Variants in TTBK2 observed in about 807,000 individuals in gnomAD.
TTBK2 encodes the protein tau tubulin kinase 2.
A neutral mutation model predicts 110.8 loss-of-function variants in TTBK2; 28 were observed. The ratio of observed to expected loss-of-function variants is 0.25; its 90% CI spans 0.19 to 0.35. The LOEUF (loss-of-function observed/expected upper bound fraction) is 0.35, where lower values mean the gene tolerates loss of function less well. TTBK2 is among the 10% of genes least tolerant of loss of function. The pLI is 1.00. For synonymous variants in TTBK2, 532 were observed against 527.3 expected, an observed-to-expected ratio of 1.01 and a Z score of -0.12; for missense variants, 1,369 against 1,500.3, an observed-to-expected ratio of 0.91 and a Z score of 1.45.
At chr15:42,792,175 A>T (rs906045328) in intron 10 of TTBK2, among the ~76,000 whole-genome samples, 1 of 152,192 alleles carries the variant, frequency 6.6e-6, no homozygotes, top group African/African-American at 2.4e-5. Flanking sequence ...TATATTTCAA[A>T]ATAGGTAGAA....
chr15:42,913,247 C>T (rs2030888268), intron 1 of TTBK2, among the ~76,000 whole-genome samples: 1 of 151,946 alleles, frequency 6.6e-6, no homozygotes, highest in Admixed American at 6.6e-5. Context: ...GTTTATTCAC[C>T]ACTCACACTT....
At chr15:42,817,281 T>TA (rs367546137) in intron 6 of TTBK2, among the ~76,000 whole-genome samples, 184 bp from the exon 7 acceptor site, 74 of 147,772 alleles carry the variant, frequency 5.0e-4, no homozygotes, top group South Asian at 6.4e-4. Flanking sequence ...ATCACATCTT[T>TA]AAAAAAAAAA....
intron 3 of TTBK2, among the ~76,000 whole-genome samples, chr15:42,851,022 G>C (rs1893686454): frequency 6.6e-6 from 1 of 151,566 alleles, no homozygotes; most frequent in Non-Finnish European, 1.5e-5. Flanking sequence ...TCAGGAAATT[G>C]AGACCATCCT....
chr15:42,919,115 T>C (rs2141228391), intron 1 of TTBK2, among the ~76,000 whole-genome samples: 1 of 152,304 alleles, frequency 6.6e-6, no homozygotes, highest in Middle Eastern at 3.4e-3. Flanking sequence ...TAAAATGTTA[T>C]CATACAGGAA....
intron 1 of TTBK2, among the ~76,000 whole-genome samples, chr15:42,919,510 G>A (rs1391443916): frequency 2.0e-5 from 3 of 152,168 alleles, no homozygotes; most frequent in African/African-American, 7.2e-5. Flanking sequence ...CACACTGAGT[G>A]GATCCTCCCT....
chr15:42,894,563 G>A (rs1195648982), intron 1 of TTBK2, among the ~76,000 whole-genome samples: 2 of 151,934 alleles, frequency 1.3e-5, no homozygotes, highest in African/African-American at 4.8e-5. Flanking sequence ...ACCAGCCTAG[G>A]CAACATGGTG....
At chr15:42,842,228 A>C (rs570456734) in intron 3 of TTBK2, among the ~76,000 whole-genome samples, 3 of 152,248 alleles carry the variant, frequency 2.0e-5, no homozygotes, top group African/African-American at 7.2e-5. Flanking sequence ...ATGAGCAAAA[A>C]TAAGAGTCCC....
rs1187236878 is a variant in TTBK2, at chr15:42,810,607, T to C, written c.822+7A>G. 3 of 1,613,674 alleles carry C rather than the reference T, an allele frequency of 1.9e-6. No individual in the cohort carries two copies. The highest frequency in any genetic ancestry group is 1.7e-5 in the Admixed American group (1 of 60,014). ...AACTAACCCACAGAACTCACAAAGA[T>C]GGTTACCTGGTAGTCTGGTTTTGTA... On this transcript the variant is annotated splice_region_variant and intron_variant, in intron 9 of 14. Coordinates refer to ENST00000267890, the MANE Select transcript of TTBK2 (RefSeq NM_173500.4).
At chr15:42,857,206 T>C (rs1257341577) in intron 3 of TTBK2, among the ~76,000 whole-genome samples, 1 of 152,070 alleles carries the variant, frequency 6.6e-6, no homozygotes, top group East Asian at 1.9e-4. Flanking sequence ...TGTGTAAACC[T>C]AAAACAGTTC....
intron 6 of TTBK2, among the ~76,000 whole-genome samples, chr15:42,824,798 TA>T (rs1892458765): frequency 6.6e-6 from 1 of 152,078 alleles, no homozygotes; most frequent in Non-Finnish European, 1.5e-5. Context: ...TGAAATACTC[TA>T]TATAACAAAC....
At chr15:42,847,178 C>G (rs1279857947) in intron 3 of TTBK2, among the ~76,000 whole-genome samples, 1 of 152,106 alleles carries the variant, frequency 6.6e-6, no homozygotes, top group Non-Finnish European at 1.5e-5. Context: ...TGTGCATTCT[C>G]CTAATGTTTA....
chr15:42,883,973 C>G (rs928166162), intron 1 of TTBK2, among the ~76,000 whole-genome samples: 1 of 152,066 alleles, frequency 6.6e-6, no homozygotes, highest in African/African-American at 2.4e-5. Flanking sequence ...GCTGGAGTAT[C>G]TATTATAATA....
intron 14 of TTBK2, among the ~76,000 whole-genome samples, chr15:42,749,835 A>G (rs1481653480): frequency 6.6e-6 from 1 of 152,246 alleles, no homozygotes; most frequent in East Asian, 1.9e-4. Context: ...TTAGTCAGGA[A>G]AAAGTACAGG....
At chr15:42,807,907 T>C (rs1466940474) in intron 9 of TTBK2, among the ~76,000 whole-genome samples, 2 of 152,222 alleles carry the variant, frequency 1.3e-5, no homozygotes, top group Non-Finnish European at 2.9e-5. Flanking sequence ...ATTCTCTGTG[T>C]AGGAGACTGT....
chr15:42,850,782 G>C (rs1360809975), intron 3 of TTBK2, among the ~76,000 whole-genome samples: 1 of 151,924 alleles, frequency 6.6e-6, no homozygotes, highest in Non-Finnish European at 1.5e-5. Context: ...ATTGTACTTT[G>C]CTTCTTGTCT....
chr15:42,774,283 C>T (rs1567015489), intron 13 of TTBK2, among the ~76,000 whole-genome samples: 1 of 152,172 alleles, frequency 6.6e-6, no homozygotes, highest in Non-Finnish European at 1.5e-5. Flanking sequence ...GCTCTCATCA[C>T]ATAAGGACAG....
At chr15:42,801,838 T>G in intron 9 of TTBK2, 1 of 903,832 alleles carries the variant, frequency 1.1e-6, no homozygotes, top group South Asian at 1.3e-5. Flanking sequence ...GAGCACAAAT[T>G]CATTCTCCAT....
intron 4 of TTBK2, among the ~76,000 whole-genome samples, chr15:42,833,716 T>A (rs1013137872): frequency 6.6e-6 from 1 of 151,596 alleles, no homozygotes; most frequent in Non-Finnish European, 1.5e-5. Flanking sequence ...CTACAAAATA[T>A]TAAAAAGTTA....
intron 3 of TTBK2, among the ~76,000 whole-genome samples, chr15:42,852,020 G>A (rs961453432): frequency 2.0e-5 from 3 of 151,468 alleles, no homozygotes; most frequent in African/African-American, 7.3e-5. Flanking sequence ...CTACCATATC[G>A]TTAGCACTCA....
Sources: allele counts gnomAD v4.1 joint callset (sites outside exome capture counted in the v4.1 genomes callset), GRCh38; gene constraint gnomAD v4.1.1; transcripts MANE v1.5; gene names NCBI Gene and HGNC (gene_info 2026-07-23, HGNC 2026-07-21).